KIF15: variants seen among roughly 807,000 people sequenced by gnomAD.
KIF15 encodes kinesin family member 15.
In KIF15, 140 loss-of-function variants were observed where a neutral mutation model predicts 190.6. The observed-to-expected ratio is 0.73, with a 90% CI of 0.64 to 0.84. The LOEUF is 0.84. KIF15 is among the 40% of genes least tolerant of loss of function. KIF15 has a pLI of 0.00. For synonymous variants in KIF15, 528 were observed against 551.3 expected (o/e 0.96, Z 0.59); for missense variants, 1,372 against 1,584.4 (o/e 0.87, Z 2.28).
At position 44,861,728 on chromosome 3, in the gene KIF15, G is replaced by A. The variant is rs1287053656; in HGVS notation, c.*59+8934G>A. 7.1e-6 allele frequency: 4 copies of A among 562,190 alleles called. No homozygotes were observed. In the East Asian group the frequency reaches 1.4e-4, roughly 20 times the overall value. 34.8% of individuals were successfully genotyped at this position (562,190 alleles called of 1,614,324 possible). A position where few individuals can be genotyped will look rare whatever the true frequency, so the allele number is the denominator to read the frequency against. ...CTCCCCAGAGCACAAACCTACTACA[G>A]GTTAGGCCGGAGGCCGCCACAGCCC... On this transcript the variant is annotated intron_variant and NMD_transcript_variant, in intron 6 of 6. Transcript: ENST00000422209.
At chr3:44,846,746 C>T (rs542432395) in intron 30 of KIF15, among the ~76,000 whole-genome samples, 10 of 147,870 alleles carry the variant, frequency 6.8e-5, no homozygotes, top group East Asian at 5.9e-4. Context: ...TGCATTCCAG[C>T]CTGGGACAGA....
chr3:44,828,223 G>C lies in KIF15; in HGVS notation c.2866G>C (p.Val956Leu), dbSNP rs773300250. ...TAKCEQQMAKVQKLEESLLAT... is the reference protein window; with the variant it reads ...TAKCEQQMAKLQKLEESLLAT... ...TTCTTTTTCACCATAGATGGCAAAA[G>C]TACAGAAACTAGAAGAGAGCTTGCT... Residue 956 changes from valine (V) to leucine (L), a missense_variant, in exon 24 of 35, where the codon GTA (valine) becomes CTA (leucine). Physicochemically the swap from Val to Leu is conservative, Grantham distance 32 (BLOSUM62 1). Transcript: ENST00000326047. The C allele has an allele frequency of 6.2e-7, 1 of 1,612,626 alleles. No homozygotes were observed. Among genetic ancestry groups the C allele is most frequent in the Admixed American group, 1.7e-5 (1 of 59,964 alleles).
At chr3:44,822,491 C>T (rs1195607956) in intron 20 of KIF15, among the ~76,000 whole-genome samples, 1 of 152,126 alleles carries the variant, frequency 6.6e-6, no homozygotes, top group Non-Finnish European at 1.5e-5. Context: ...CTTGGGGTTG[C>T]TCTTCTCGAG....
chr3:44,800,244 C>G (rs1707201978), intron 10 of KIF15, 70 bp from the exon 11 acceptor site: 1 of 1,443,592 alleles, frequency 6.9e-7, no homozygotes, highest in Admixed American at 1.9e-5. Flanking sequence ...TCATACCAAA[C>G]AAATGTAAAC....
At chr3:44,865,046 C>A (rs147012039) in intron 6 of KIF15, 1 of 1,614,064 alleles carries the variant, frequency 6.2e-7, no homozygotes, top group Admixed American at 1.7e-5. Flanking sequence ...GCAGGCCTTC[C>A]TGGGCTATGT....
intron 6 of KIF15, among the ~76,000 whole-genome samples, chr3:44,866,954 G>A (rs1699328916): frequency 6.6e-6 from 1 of 152,132 alleles, no homozygotes; most frequent in Non-Finnish European, 1.5e-5. Context: ...GCAAACTCCT[G>A]CTCTTCAAAA....
At chr3:44,768,524 A>C (rs1191292545) in intron 1 of KIF15, among the ~76,000 whole-genome samples, 1 of 150,418 alleles carries the variant, frequency 6.6e-6, no homozygotes, top group Non-Finnish European at 1.5e-5. Context: ...CCATTCTCCC[A>C]GGGCGCATGT....
intron 19 of KIF15, 145 bp downstream of exon 19, chr3:44,813,325 A>G: frequency 1.9e-6 from 1 of 536,112 alleles, no homozygotes; most frequent in Non-Finnish European, 3.2e-6. Flanking sequence ...TGCAGTTTGC[A>G]TGCAGTGGTA....
chr3:44,818,207 C>T (rs1367453007), intron 20 of KIF15, among the ~76,000 whole-genome samples: 1 of 152,136 alleles, frequency 6.6e-6, no homozygotes, highest in Non-Finnish European at 1.5e-5. Flanking sequence ...ATTTGACTTC[C>T]CCTTTTCCTA....
chr3:44,827,414 T>C (rs1253213469), intron 22 of KIF15, 45 bp from the exon 23 acceptor site: 1 of 1,363,976 alleles, frequency 7.3e-7, no homozygotes, highest in East Asian at 2.3e-5. Flanking sequence ...AGTTCCTGTT[T>C]TCATTGAGTG....
chr3:44,831,340 G>A lies in KIF15; in HGVS notation c.3171+322G>A, dbSNP rs544116804. ...ATTTGTATACTACTAATGTATTATT[G>A]TATAGTGTATAATAATACAAATAGT... On this transcript the variant is annotated intron_variant, in intron 26 of 34. Transcript: ENST00000326047. Among the ~76,000 whole-genome samples the A allele has an allele frequency of 7.2e-5, 11 of 152,168 alleles. No homozygotes were observed. In the South Asian group the frequency reaches 1.0e-3, roughly 14 times the overall value.
At chr3:44,816,209 A>G (rs879885740) in intron 20 of KIF15, among the ~76,000 whole-genome samples, 2 of 152,070 alleles carry the variant, frequency 1.3e-5, no homozygotes, top group Admixed American at 1.3e-4. Flanking sequence ...GCAAAATCCC[A>G]TATTTATCTG....
intron 8 of KIF15, among the ~76,000 whole-genome samples, chr3:44,795,602 G>A (rs1706937560): frequency 6.6e-6 from 1 of 152,052 alleles, no homozygotes. Context: ...AGGTATGAAG[G>A]GTTAAGTATC....
chr3:44,850,437 G>A (rs1483612474), intron 32 of KIF15, among the ~76,000 whole-genome samples: 1 of 152,298 alleles, frequency 6.6e-6, no homozygotes, highest in African/African-American at 2.4e-5. Flanking sequence ...AGCAAAAAGA[G>A]TAAAAGCTAT....
At position 44,826,393 on chromosome 3, in the gene KIF15, G is replaced by T. The variant is rs762737000; in HGVS notation, c.2719G>T (p.Glu907Ter). 6.2e-7 allele frequency: 1 copy of T among 1,613,182 alleles called. No homozygotes were observed. The highest frequency in any genetic ancestry group is 1.7e-5 in the Admixed American group (1 of 59,886). The change falls in exon 22 of 35, where the codon GAG (glutamate) becomes TAG (stop). Residue 907 changes from glutamate (E) to a stop codon, truncating the protein, a stop_gained. Transcript: ENST00000326047. LOFTEE classifies it high-confidence loss of function. ...CTTTTAGAATTTGATGGAGCTTCTT[G>T]AGGCAGAAAAAGAACGCAATAACAA... ...SDLNNLMELL[E>*]AEKERNNKLS... is the part of the protein sequence containing the mutation.
chr3:44,784,869 C>A lies in KIF15; in HGVS notation c.386C>A (p.Ser129Tyr). ...GGACCATCTGAATCTGATAATTTTTCTCATAACCTGAGAGGAGTAATCCCA... is the reference window on the plus strand; with the variant it reads ...GGACCATCTGAATCTGATAATTTTTATCATAACCTGAGAGGAGTAATCCCA... Reference protein sequence around the residue: ...MMGPSESDNFSHNLRGVIPRS... With the variant: ...MMGPSESDNFYHNLRGVIPRS... The change falls in exon 6 of 35, where the codon TCT becomes TAT. Residue 129 changes from serine (S) to tyrosine (Y), a missense_variant. Coordinates refer to ENST00000326047, the MANE Select transcript of KIF15 (RefSeq NM_020242.3). The A allele has an allele frequency of 6.5e-7, 1 of 1,527,328 alleles. No homozygotes were observed. Among genetic ancestry groups the A allele is most frequent in the South Asian group, 1.2e-5 (1 of 81,588 alleles). The allele number at this position is 1,527,328 out of a possible 1,614,324, so 94.6% of individuals were successfully genotyped here. A position where few individuals can be genotyped will look rare whatever the true frequency, so the allele number is the denominator to read the frequency against.
chr3:44,821,090 C>G (rs1708264035), intron 20 of KIF15, among the ~76,000 whole-genome samples: 2 of 146,232 alleles, frequency 1.4e-5, no homozygotes, highest in East Asian at 2.1e-4. Context: ...TGACCCCCCC[C>G]ACCTCCCTCC....
At chr3:44,822,499 G>A (rs1003803676) in intron 20 of KIF15, among the ~76,000 whole-genome samples, 38 of 152,142 alleles carry the variant, frequency 2.5e-4, no homozygotes, top group African/African-American at 8.0e-4. Flanking sequence ...TGCTCTTCTC[G>A]AGGAGTATAT....
Position 44,800,427 on chromosome 3 carries a change from C to T in KIF15, c.1212C>T (p.Phe404=). 1 of 1,614,012 alleles carries T rather than the reference C, an allele frequency of 6.2e-7. No homozygotes were observed. Among genetic ancestry groups the T allele is most frequent in the Middle Eastern group, 1.7e-4 (1 of 6,060 alleles). The change falls in exon 11 of 35, where the codon TTC becomes TTT. Residue 404 remains phenylalanine (F), a synonymous_variant. Transcript: ENST00000326047. ...CAGGACAGACACCACCAGAAAGCTT[C>T]CTGACCAGAGGTAGGATGAGCACAC... ...LASGQTPPES[F]LTRDKKKTNY...
Sources: gnomAD v4.1 joint callset for allele counts (sites outside exome capture counted in the v4.1 genomes callset) on GRCh38, gnomAD v4.1.1 for gene constraint, MANE v1.5 for transcripts, NCBI Gene and HGNC (gene_info 2026-07-23, HGNC 2026-07-21) for gene names.